RPTOR: variants seen among roughly 807,000 people sequenced by gnomAD.
The protein encoded by RPTOR is regulatory associated protein of MTOR complex 1, also known as regulatory-associated protein of mTOR.
In RPTOR, 21 loss-of-function variants were observed where a neutral mutation model predicts 169.9. The ratio of observed to expected loss-of-function variants is 0.12; its 90% CI spans 0.09 to 0.18. The LOEUF is 0.18. Among genes scored for constraint, RPTOR ranks in the 10% least tolerant of loss-of-function variants. RPTOR has a pLI of 1.00. For synonymous variants in RPTOR, 732 were observed against 753.2 expected (o/e 0.97, Z 0.46); for missense variants, 1,133 against 1,855.9 (o/e 0.61, Z 7.16).
rs2144053289 is a variant in RPTOR at position 80,945,698 on chromosome 17, G to A, written c.3057G>A (p.Leu1019=). 1.2e-6 allele frequency: 2 copies of A among 1,611,652 alleles called. No homozygotes were observed. Among genetic ancestry groups the A allele is most frequent in the Non-Finnish European group, 1.7e-6 (2 of 1,179,140 alleles). The part of the protein sequence containing the change: ...GITRLDDQIF[L]NRNPGVPSVV... Reference sequence around the variant, plus strand: ...CGAGATTGGACGACCAAATATTTCTGAACAGGAACCCCGGCGTCCCCTCTG... The same window carrying A: ...CGAGATTGGACGACCAAATATTTCTAAACAGGAACCCCGGCGTCCCCTCTG... The change falls in exon 26 of 34, where the codon CTG becomes CTA. Residue 1019 remains leucine (L), a synonymous_variant. Transcript: ENST00000306801.
Position 80,721,510 on chromosome 17 carries a change from C to T in RPTOR, c.508-9050C>T, listed in dbSNP as rs758042414. On this transcript the variant is annotated intron_variant, in intron 4 of 33. Transcript: ENST00000306801. This position sits in a 1 kb window ranked among gnomAD's most constrained non-coding sequence, Gnocchi z 4.7. ...CCCTGGAAAGAGGCACACCCAGCAG[C>T]GGGCTCTCCTGGCTCACCCGGGGCC... is the stretch of plus-strand genomic sequence containing the variant. Among the ~76,000 whole-genome samples the T allele has an allele frequency of 2.6e-5, 4 of 151,386 alleles. No individual in the cohort carries two copies. Among genetic ancestry groups the T allele is most frequent in the Admixed American group, 6.6e-5 (1 of 15,262 alleles).
chr17:80,690,176 G>A (rs1168806971), intron 3 of RPTOR, among the ~76,000 whole-genome samples: 1 of 152,036 alleles, frequency 6.6e-6, no homozygotes, highest in African/African-American at 2.4e-5. Context: ...TCAGCTGCCA[G>A]TTCCAGTCTC....
At chr17:80,570,624 C>G (rs1327028759) in intron 1 of RPTOR, among the ~76,000 whole-genome samples, 9 of 152,000 alleles carry the variant, frequency 5.9e-5, no homozygotes, top group Non-Finnish European at 1.0e-4. Flanking sequence ...CCATGCCTGG[C>G]TAATTTTTGT....
chr17:80,846,583 C>T lies in RPTOR; in HGVS notation c.1314+9C>T. 1.2e-6 allele frequency: 2 copies of T among 1,613,288 alleles called. No homozygotes were observed. The highest frequency in any genetic ancestry group is 1.7e-6 in the Non-Finnish European group (2 of 1,179,196). On this transcript the variant is annotated intron_variant, in intron 11 of 33. Transcript: ENST00000306801. ...TGCCCATCGTCCTGCAGGTGAGTTT[C>T]TTCAGACCGGGCCAGACAGCCGAGG...
At position 80,799,726 on chromosome 17, in the gene RPTOR, GGCCGCCCTGCACACCCCTTCCCTCCCCA is replaced by G. The variant is rs546797194; in HGVS notation, c.890+8220_890+8247del. Among the ~76,000 whole-genome samples, 1,162 of 150,806 alleles carry G rather than the reference GGCCGCCCTGCACACCCCTTCCCTCCCCA, an allele frequency of 7.7e-3. 13 individuals carry two copies. The highest frequency in any genetic ancestry group is 0.023 in the African/African-American group (952 of 41,012). On this transcript the variant is annotated intron_variant, in intron 7 of 33. Transcript: ENST00000306801. The stretch of plus-strand genomic sequence containing the variant: ...TCTGCACACCCCTCCCCTCCCTGGC[GGCCGCCCTGCACACCCCTTCCCTCCCCA>G]GCGGCCGCCCTGCACACCCCTTCCC...
chr17:80,799,033 T>C (rs534785239), intron 7 of RPTOR, among the ~76,000 whole-genome samples: 100 of 152,326 alleles, frequency 6.6e-4, no homozygotes, highest in African/African-American at 2.3e-3. Flanking sequence ...GGGGAAGCGT[T>C]TGCATTGCTG....
At chr17:80,621,208 G>A (rs928265976) in intron 1 of RPTOR, among the ~76,000 whole-genome samples, 20 of 152,298 alleles carry the variant, frequency 1.3e-4, no homozygotes, top group Non-Finnish European at 2.4e-4. Context: ...GCACAGTGAG[G>A]TGAGGCCCCT....
chr17:80,947,186 G>A lies in RPTOR; in HGVS notation c.3141-41G>A. ...TATCTCACTGTCATTTGGGTTTGCA[G>A]TTTCCTAATGACTTTTTTATTCCTC... On this transcript the variant is annotated intron_variant, in intron 26 of 33. Transcript: ENST00000306801. This position sits in a 1 kb window ranked among gnomAD's most constrained non-coding sequence, Gnocchi z 4.4. The A allele has an allele frequency of 1.3e-6, 2 of 1,526,010 alleles. No individual in the cohort carries two copies. The highest frequency in any genetic ancestry group is 2.6e-5 in the South Asian group (2 of 76,474). The allele number at this position is 1,526,010 out of a possible 1,614,324, so 94.5% of individuals were successfully genotyped here.
rs535218651 is a variant in RPTOR, at chr17:80,689,956, C to A, written c.349-17885C>A. On this transcript the variant is annotated intron_variant, in intron 3 of 33. Transcript: ENST00000306801. ...ACCTTGGAGAAACGCTTCATGCAAG[C>A]AGATTCTAATTAAAGTAGGAAACTT... Among the ~76,000 whole-genome samples the A allele has an allele frequency of 1.4e-4, 22 of 152,288 alleles. No individual in the cohort carries two copies. In the South Asian group the frequency reaches 4.6e-3, roughly 32 times the overall value.
chr17:80,753,212 G>A (rs894825411), intron 5 of RPTOR, among the ~76,000 whole-genome samples: 2 of 152,170 alleles, frequency 1.3e-5, no homozygotes, highest in South Asian at 2.1e-4. Flanking sequence ...TTGATGGGTC[G>A]CTTTAGTCAG....
intron 4 of RPTOR, among the ~76,000 whole-genome samples, chr17:80,715,791 C>T (rs2066234951): frequency 6.6e-6 from 1 of 151,892 alleles, no homozygotes; most frequent in Non-Finnish European, 1.5e-5. Flanking sequence ...TAGCTCAGCT[C>T]CCACGTAACA....
chr17:80,779,961 G>T (rs759286498), intron 6 of RPTOR, among the ~76,000 whole-genome samples: 3 of 152,092 alleles, frequency 2.0e-5, no homozygotes, highest in Admixed American at 6.5e-5. Context: ...GGAGTCGGGG[G>T]TACCCAGGCT....
Position 80,754,451 on chromosome 17 carries a change from G to T in RPTOR, c.830+266G>T, listed in dbSNP as rs1223489239. Among the ~76,000 whole-genome samples the T allele has an allele frequency of 6.6e-6, 1 of 152,174 alleles. No individual in the cohort carries two copies. Among genetic ancestry groups the T allele is most frequent in the Admixed American group, 6.5e-5 (1 of 15,278 alleles). On this transcript the variant is annotated intron_variant, in intron 6 of 33. Transcript: ENST00000306801. The surrounding 1 kb of genome is among the most constrained non-coding windows in gnomAD (Gnocchi z 4.2). ...CCAAGAACACCCTCTCCTTACCTTT[G>T]TTCACTGCGGAGGCGTCTTAGTACC... is the stretch of plus-strand genomic sequence containing the variant.
intron 9 of RPTOR, among the ~76,000 whole-genome samples, chr17:80,831,853 G>A (rs112427121): frequency 8.6e-5 from 13 of 151,156 alleles, no homozygotes; most frequent in African/African-American, 1.9e-4. Context: ...ATCCCTGTGT[G>A]TGCCTGTATG....
chr17:80,939,367 G>A (rs1009945694), intron 24 of RPTOR, among the ~76,000 whole-genome samples: 4 of 152,228 alleles, frequency 2.6e-5, no homozygotes, highest in South Asian at 2.1e-4. Flanking sequence ...ACACATGCAC[G>A]CACTCGCACA....
In RPTOR at chr17:80,892,969, G is replaced by A. The variant is rs888013425; in HGVS notation, c.2242+100G>A. ...AGCACCACTCTGCCCCTGCCCCTTC[G>A]TCTAAGTGCGTGCCCTGAAGTCCCA... On this transcript the variant is annotated intron_variant, in intron 19 of 33. Transcript: ENST00000306801. 2.5e-5 allele frequency: 35 copies of A among 1,377,190 alleles called. No individual in the cohort carries two copies. The African/African-American group carries it at 2.7e-4, about 11-fold the overall frequency. The allele number at this position is 1,377,190 out of a possible 1,614,324, so 85.3% of individuals were successfully genotyped here.
chr17:80,875,407 A>G (rs1290648304), intron 13 of RPTOR, among the ~76,000 whole-genome samples: 1 of 152,190 alleles, frequency 6.6e-6, no homozygotes, highest in African/African-American at 2.4e-5. Flanking sequence ...TTAAAAAAAT[A>G]TAAGTTCCTG....
At chr17:80,713,468 A>T (rs1470068013) in intron 4 of RPTOR, among the ~76,000 whole-genome samples, 1 of 152,222 alleles carries the variant, frequency 6.6e-6, no homozygotes, top group African/African-American at 2.4e-5. Flanking sequence ...GTGATCCTCC[A>T]GGATGTCCCA....
In RPTOR at chr17:80,845,782, C is replaced by A. The variant is rs1444894183; in HGVS notation, c.1213-691C>A. The stretch of plus-strand genomic sequence containing the variant: ...ACCAAATTCACCCTGTCTCGAAACC[C>A]CTCTGGCTGCGCTTTTGCCCAACTC... On this transcript the variant is annotated intron_variant, in intron 10 of 33. Coordinates refer to ENST00000306801, the MANE Select transcript of RPTOR (RefSeq NM_020761.3). The surrounding 1 kb of genome is among the most constrained non-coding windows in gnomAD (Gnocchi z 5.4). Among the ~76,000 whole-genome samples, 1 of 152,228 alleles carries A rather than the reference C, an allele frequency of 6.6e-6. No individual in the cohort carries two copies. The highest frequency in any genetic ancestry group is 6.5e-5 in the Admixed American group (1 of 15,292).
Sources: allele counts gnomAD v4.1 joint callset (sites outside exome capture counted in the v4.1 genomes callset), GRCh38; gene constraint gnomAD v4.1.1; non-coding constraint Gnocchi (gnomAD v3.1); transcripts MANE v1.5; gene names NCBI Gene and HGNC (gene_info 2026-07-23, HGNC 2026-07-21).